LRRIQ1: variants seen among roughly 807,000 people sequenced by gnomAD.
LRRIQ1 encodes the protein leucine-rich repeat- and IQ domain-containing protein 1.
Under a neutral mutation model 211.9 loss-of-function variants are expected in LRRIQ1, and 210 were observed. The observed-to-expected ratio is 0.99, with a 90% CI of 0.89 to 1.11. The LOEUF (loss-of-function observed/expected upper bound fraction) is 1.11, where lower values mean the gene tolerates loss of function less well. Ranked by LOEUF, LRRIQ1 falls within the 50% of genes most tolerant of loss-of-function variation. LRRIQ1 has a pLI of 0.00. For synonymous variants in LRRIQ1, 699 were observed against 650.1 expected (o/e 1.08, Z -1.14); for missense variants, 2,136 against 1,939.5 (o/e 1.10, Z -1.90).
chr12:85,214,638 G>A (rs1351225504), intron 24 of LRRIQ1, among the ~76,000 whole-genome samples: 1 of 152,016 alleles, frequency 6.6e-6, no homozygotes, highest in African/African-American at 2.4e-5. Flanking sequence ...CCAAATCAGT[G>A]AGGAATAGGT....
At position 85,062,243 on chromosome 12, in the gene LRRIQ1, GT is replaced by G. The variant is rs1881901861; in HGVS notation, c.2392-3017del. Among the ~76,000 whole-genome samples the G allele has an allele frequency of 3.3e-5, 5 of 151,724 alleles. 2 individuals carry two copies. The South Asian group carries it at 1.0e-3, about 31-fold the overall frequency. On this transcript the variant is annotated intron_variant, in intron 8 of 26. Coordinates refer to ENST00000393217, the MANE Select transcript of LRRIQ1 (RefSeq NM_001079910.2). ...AGTTCAAGGGTACAAATGCAGCTTTGTTATAAAGGTATATTGCATGATGCTG... is the reference window on the plus strand; with the variant it reads ...AGTTCAAGGGTACAAATGCAGCTTTGTATAAAGGTATATTGCATGATGCTG...
At chr12:85,262,252 A>G (rs1251494899) in intron 1 of LRRIQ1, among the ~76,000 whole-genome samples, 2 of 152,092 alleles carry the variant, frequency 1.3e-5, no homozygotes, top group Non-Finnish European at 2.9e-5. Flanking sequence ...CTGTGTACAA[A>G]GCAGTCTCAC....
chr12:85,167,726 C>A (rs1190914876), intron 24 of LRRIQ1, among the ~76,000 whole-genome samples: 3 of 152,152 alleles, frequency 2.0e-5, no homozygotes, highest in African/African-American at 7.2e-5. Context: ...CAGACACAAC[C>A]AGGAACAATA....
At chr12:85,237,870 T>G (rs575166345) in intron 26 of LRRIQ1, among the ~76,000 whole-genome samples, 1 of 152,100 alleles carries the variant, frequency 6.6e-6, no homozygotes, top group Non-Finnish European at 1.5e-5. Flanking sequence ...CAAATAAAAT[T>G]ACAATGTCCA....
intron 11 of LRRIQ1, 42 bp downstream of exon 11, chr12:85,073,140 T>G: frequency 6.9e-7 from 1 of 1,454,620 alleles, no homozygotes; most frequent in Non-Finnish European, 9.4e-7. Flanking sequence ...CTTTATGGAT[T>G]TCTAGAGGAG....
chr12:85,189,825 A>C (rs1892403165), intron 24 of LRRIQ1, among the ~76,000 whole-genome samples: 1 of 145,594 alleles, frequency 6.9e-6, no homozygotes, highest in African/African-American at 2.5e-5. Context: ...TAATATAAAT[A>C]ATAATTAAAT....
At chr12:85,251,086 G>C (rs933153419) in intron 1 of LRRIQ1, among the ~76,000 whole-genome samples, 3 of 144,108 alleles carry the variant, frequency 2.1e-5, no homozygotes, top group Admixed American at 1.5e-4. Flanking sequence ...TATTTATGAA[G>C]AACGTCTTTA....
At chr12:85,113,612 T>G (rs939346006) in intron 15 of LRRIQ1, among the ~76,000 whole-genome samples, 1 of 152,072 alleles carries the variant, frequency 6.6e-6, no homozygotes, top group African/African-American at 2.4e-5. Context: ...CTTGAGAAAT[T>G]GCGTGTTTCT....
chr12:85,202,838 G>A (rs993891287), intron 24 of LRRIQ1, among the ~76,000 whole-genome samples: 2 of 152,114 alleles, frequency 1.3e-5, no homozygotes, highest in Non-Finnish European at 2.9e-5. Context: ...TTGTTAGCTG[G>A]TTATTACCAG....
At chr12:85,059,001 G>A (rs1481360602) in intron 8 of LRRIQ1, among the ~76,000 whole-genome samples, 1 of 151,962 alleles carries the variant, frequency 6.6e-6, no homozygotes, top group Non-Finnish European at 1.5e-5. Flanking sequence ...ATGCTAAAAT[G>A]TTAAGAAAAT....
At chr12:85,097,451 C>T (rs757086832) in intron 11 of LRRIQ1, among the ~76,000 whole-genome samples, 10 of 151,572 alleles carry the variant, frequency 6.6e-5, no homozygotes, top group Non-Finnish European at 1.3e-4. Flanking sequence ...ATGTTCCCCC[C>T]GCTGTGTCCA....
At chr12:85,203,861 T>C (rs1439929718) in intron 24 of LRRIQ1, among the ~76,000 whole-genome samples, 1 of 152,080 alleles carries the variant, frequency 6.6e-6, no homozygotes, top group Non-Finnish European at 1.5e-5. Flanking sequence ...AAAATCCCAT[T>C]TTCCGAGGAG....
At chr12:85,124,018 A>T in intron 16 of LRRIQ1, 52 bp from the exon 17 acceptor site, 1 of 1,382,976 alleles carries the variant, frequency 7.2e-7, no homozygotes, top group Non-Finnish European at 1.0e-6. Context: ...CACAAGTTTT[A>T]ATATTTGCTG....
rs575637599 is a variant in LRRIQ1, at chr12:85,244,877, A to G, written c.5105A>G (p.Asn1702Ser). 78 of 1,586,564 alleles carry G rather than the reference A, an allele frequency of 4.9e-5. No homozygotes were observed. In the South Asian group the frequency reaches 7.9e-4, roughly 16 times the overall value. Residue 1702 changes from asparagine (N) to serine (S), a missense_variant, in exon 27 of 27, where the codon AAT (asparagine) becomes AGT (serine). Physicochemically the swap from Asn to Ser is conservative, Grantham distance 46. Coordinates refer to ENST00000393217, the MANE Select transcript of LRRIQ1 (RefSeq NM_001079910.2). ...TTGTCTGTGAACAGAGAAAAAAAAA[A>G]TCAGGCACACAGACACTCAGCAGGA... The part of the protein sequence containing the change: ...SALSVNREKK[N>S]QAHRHSAGSS...
chr12:85,206,011 G>A (rs1403402642), intron 24 of LRRIQ1, among the ~76,000 whole-genome samples: 1 of 152,186 alleles, frequency 6.6e-6, no homozygotes. Flanking sequence ...GGGCTGAGGT[G>A]TTCCTGGACC....
intron 26 of LRRIQ1, among the ~76,000 whole-genome samples, chr12:85,236,191 C>T (rs1895165227): frequency 6.6e-6 from 1 of 152,098 alleles, no homozygotes; most frequent in East Asian, 1.9e-4. Flanking sequence ...AATATCTTTG[C>T]AACTTAGCAG....
chr12:85,037,619 G>A (rs898308459), intron 1 of LRRIQ1, among the ~76,000 whole-genome samples: 2 of 151,834 alleles, frequency 1.3e-5, no homozygotes, highest in African/African-American at 4.8e-5. Context: ...ATTAACGAAA[G>A]GGAAAGAGGA....
the LRRIQ1 span, among the ~76,000 whole-genome samples, chr12:85,272,757 A>G: frequency 6.6e-6 from 1 of 152,142 alleles, no homozygotes; most frequent in Non-Finnish European, 1.5e-5. Context: ...GGATTTTATA[A>G]CGAGGGTCCA....
chr12:85,076,332 TA>T (rs1883649907), intron 11 of LRRIQ1, among the ~76,000 whole-genome samples: 1 of 151,830 alleles, frequency 6.6e-6, no homozygotes, highest in Non-Finnish European at 1.5e-5. Flanking sequence ...AAATATTGAA[TA>T]AAAATAAAAA....
Sources: gnomAD v4.1 joint callset for allele counts (sites outside exome capture counted in the v4.1 genomes callset) on GRCh38, gnomAD v4.1.1 for gene constraint, MANE v1.5 for transcripts, NCBI Gene and HGNC (gene_info 2026-07-23, HGNC 2026-07-21) for gene names.